Variants in DIAPH3 observed in about 807,000 individuals in gnomAD.
DIAPH3 encodes protein diaphanous homolog 3.
A neutral mutation model predicts 144.3 loss-of-function variants in DIAPH3; 117 were observed. The observed-to-expected ratio is 0.81, with a 90% confidence interval of 0.70 to 0.95. DIAPH3 has a LOEUF of 0.95. Ranked by LOEUF, DIAPH3 falls within the 40% of genes least tolerant of loss-of-function variation. The pLI, the probability that DIAPH3 is intolerant of heterozygous loss-of-function variation, is 0.00. For missense variants in DIAPH3, 1,421 were observed against 1,412.7 expected, an observed-to-expected ratio of 1.01 and a Z score of -0.09; for synonymous variants, 519 against 488.9, an observed-to-expected ratio of 1.06 and a Z score of -0.81.
chr13:59,785,351 T>C (rs921944403), intron 25 of DIAPH3, among the ~76,000 whole-genome samples: 1 of 152,330 alleles, frequency 6.6e-6, no homozygotes, highest in Non-Finnish European at 1.5e-5. Flanking sequence ...GGAAGTTTTA[T>C]TTATTTTTTC....
At chr13:60,094,306 A>G (rs1474921773) in intron 3 of DIAPH3, among the ~76,000 whole-genome samples, 1 of 152,256 alleles carries the variant, frequency 6.6e-6, no homozygotes, top group Non-Finnish European at 1.5e-5. Flanking sequence ...AGTTGTACTT[A>G]TAAAAACAGC....
intron 20 of DIAPH3, among the ~76,000 whole-genome samples, chr13:59,889,462 T>C (rs1040661413): frequency 1.3e-5 from 2 of 152,082 alleles, no homozygotes; most frequent in Non-Finnish European, 2.9e-5. Flanking sequence ...ATTTTTTTTA[T>C]AGTTTTCATT....
intron 27 of DIAPH3, among the ~76,000 whole-genome samples, chr13:59,684,664 G>T (rs975273456): frequency 6.6e-6 from 1 of 152,116 alleles, no homozygotes; most frequent in Non-Finnish European, 1.5e-5. Flanking sequence ...TTTTCTGATG[G>T]TTACAGCAGA....
intron 25 of DIAPH3, among the ~76,000 whole-genome samples, chr13:59,791,022 G>A (rs964382730): frequency 5.9e-5 from 9 of 152,034 alleles, no homozygotes; most frequent in African/African-American, 2.2e-4. Context: ...CTAGGCTGGA[G>A]AGTGCAGTGG....
chr13:59,938,952 TTTG>T (rs2048389007), intron 17 of DIAPH3, among the ~76,000 whole-genome samples: 2 of 152,116 alleles, frequency 1.3e-5, no homozygotes. Context: ...ACGGTAAAAT[TTTG>T]TTATGTATTC....
Position 59,924,701 on chromosome 13 carries a change from G to A in DIAPH3, c.2170+74C>T, listed in dbSNP as rs142891026. The A allele has an allele frequency of 6.2e-3, 9,496 of 1,528,014 alleles. 107 individuals carry two copies. The highest frequency in any genetic ancestry group is 0.033 in the South Asian group (2,705 of 81,688). The allele number at this position is 1,528,014 out of a possible 1,614,324, so 94.7% of individuals were successfully genotyped here. A position where few individuals can be genotyped will look rare whatever the true frequency, so the allele number is the denominator to read the frequency against. On this transcript the variant is annotated intron_variant, in intron 18 of 27. Transcript: ENST00000400324. ...TGAAAATAGCAAATAATGAATAATCGGTCTTAAAGAAAATGAAATCATTTA... is the reference window on the plus strand; with the variant it reads ...TGAAAATAGCAAATAATGAATAATCAGTCTTAAAGAAAATGAAATCATTTA...
intron 3 of DIAPH3, among the ~76,000 whole-genome samples, chr13:60,111,025 C>T (rs1183333259): frequency 6.6e-6 from 1 of 152,028 alleles, no homozygotes; most frequent in African/African-American, 2.4e-5. Context: ...CAGATGGCAC[C>T]CTCAATTATG....
At chr13:59,915,525 T>C (rs1172853797) in intron 19 of DIAPH3, among the ~76,000 whole-genome samples, 2 of 152,104 alleles carry the variant, frequency 1.3e-5, no homozygotes, top group Non-Finnish European at 2.9e-5. Flanking sequence ...ACTATATAAT[T>C]TGTGTTTTGA....
intron 20 of DIAPH3, among the ~76,000 whole-genome samples, chr13:59,885,990 T>C (rs1401407117): frequency 1.3e-5 from 2 of 152,144 alleles, no homozygotes; most frequent in Non-Finnish European, 2.9e-5. Context: ...CCTAAGAAAC[T>C]AATACAGGCT....
chr13:59,734,286 T>C (rs537802398), intron 27 of DIAPH3, among the ~76,000 whole-genome samples: 5 of 152,258 alleles, frequency 3.3e-5, no homozygotes, highest in South Asian at 2.1e-4. Flanking sequence ...ATAAGTATCA[T>C]TTATGGATAA....
At chr13:59,709,299 G>C (rs911340164) in intron 27 of DIAPH3, among the ~76,000 whole-genome samples, 4 of 152,032 alleles carry the variant, frequency 2.6e-5, no homozygotes, top group African/African-American at 9.7e-5. Context: ...CCATCAGAGC[G>C]AACAGGCAAC....
chr13:60,146,700 A>C (rs1951539247), intron 1 of DIAPH3, among the ~76,000 whole-genome samples: 1 of 152,236 alleles, frequency 6.6e-6, no homozygotes, highest in East Asian at 1.9e-4. Context: ...ATCCTCCAAC[A>C]ATGCCAAAGG....
At chr13:59,767,034 T>A (rs949229154) in intron 27 of DIAPH3, among the ~76,000 whole-genome samples, 2 of 152,286 alleles carry the variant, frequency 1.3e-5, no homozygotes, top group Non-Finnish European at 2.9e-5. Flanking sequence ...AGAACGCTCC[T>A]CCTCTGGCTT....
chr13:60,065,253 TAAAAAAAA>T (rs11344639), intron 4 of DIAPH3, among the ~76,000 whole-genome samples: 3 of 88,312 alleles, frequency 3.4e-5, no homozygotes, highest in Non-Finnish European at 6.9e-5. Flanking sequence ...TTTAATTTAT[TAAAAAAAA>T]AAAAAAAAAA....
chr13:60,000,839 C>CCCTATG (rs1365215850), intron 9 of DIAPH3, among the ~76,000 whole-genome samples: 1 of 152,072 alleles, frequency 6.6e-6, no homozygotes, highest in Non-Finnish European at 1.5e-5. Flanking sequence ...GGAAAATATT[C>CCCTATG]TTGAGGTATT....
At chr13:60,096,359 T>C (rs1566766716) in intron 3 of DIAPH3, among the ~76,000 whole-genome samples, 1 of 152,140 alleles carries the variant, frequency 6.6e-6, no homozygotes, top group Non-Finnish European at 1.5e-5. Flanking sequence ...AGGTGAGTAG[T>C]AGAAAGAATT....
At chr13:59,902,159 G>A (rs1188890345) in intron 20 of DIAPH3, among the ~76,000 whole-genome samples, 3 of 152,126 alleles carry the variant, frequency 2.0e-5, no homozygotes, top group Non-Finnish European at 4.4e-5. Context: ...GGTTGATATG[G>A]TTTGGATTTG....
chr13:60,078,274 T>A (rs1385163496), intron 4 of DIAPH3, among the ~76,000 whole-genome samples: 1 of 152,060 alleles, frequency 6.6e-6, no homozygotes, highest in African/African-American at 2.4e-5. Flanking sequence ...GCAAAAAGGG[T>A]GGCAATGCTG....
intron 17 of DIAPH3, among the ~76,000 whole-genome samples, chr13:59,946,067 C>T (rs2048779637): frequency 6.6e-6 from 1 of 151,988 alleles, no homozygotes; most frequent in South Asian, 2.1e-4. Flanking sequence ...CAACAAATAA[C>T]CCAAATATGT....
Sources: allele counts gnomAD v4.1 joint callset (sites outside exome capture counted in the v4.1 genomes callset), GRCh38; gene constraint gnomAD v4.1.1; transcripts MANE v1.5; gene names NCBI Gene and HGNC (gene_info 2026-07-23, HGNC 2026-07-21).